FBN2: variants seen among roughly 807,000 people sequenced by gnomAD.
FBN2 encodes fibrillin 2.
Under a neutral mutation model 355.6 loss-of-function variants are expected in FBN2, and 105 were observed. That is an observed-to-expected ratio of 0.30 (90% CI 0.25 to 0.35). The LOEUF (loss-of-function observed/expected upper bound fraction) is 0.35. FBN2 is among the 10% of genes least tolerant of loss of function. The pLI is 1.00. For missense variants in FBN2, 3,280 were observed against 3,758.7 expected, an observed-to-expected ratio of 0.87 and a Z score of 3.33; for synonymous variants, 1,350 against 1,301.2, an observed-to-expected ratio of 1.04 and a Z score of -0.81.
chr5:128,426,259 A>G lies in FBN2; in HGVS notation c.953-17460T>C, dbSNP rs1423307769. 2.0e-5 allele frequency among the ~76,000 whole-genome samples: 3 copies of G among 152,204 alleles called. No individual in the cohort carries two copies. The East Asian group carries it at 5.8e-4, about 29-fold the overall frequency. On this transcript the variant is annotated intron_variant, in intron 7 of 64. Transcript: ENST00000262464. Reference sequence around the variant, plus strand: ...ACATTACACATCTGGACAATTCTCAAGTGCGCCCACACACTTCAGAGATCT... The same window carrying G: ...ACATTACACATCTGGACAATTCTCAGGTGCGCCCACACACTTCAGAGATCT...
chr5:128,408,862 G>T (rs1267932245), intron 7 of FBN2, 63 bp from the exon 8 acceptor site: 8 of 1,590,020 alleles, frequency 5.0e-6, no homozygotes, highest in African/African-American at 4.0e-5. Context: ...TTTTAAAAGA[G>T]ATTTTTTTTT....
At chr5:128,345,301 T>C in intron 24 of FBN2, 56 bp downstream of exon 24, 1 of 1,359,702 alleles carries the variant, frequency 7.4e-7, no homozygotes, top group Non-Finnish European at 1.1e-6. Context: ...TCTCAGAGAA[T>C]GTGGAAGGCT....
chr5:128,259,430 A>C lies in FBN2; in HGVS notation c.*25T>G. On this transcript the variant is annotated 3_prime_UTR_variant, in exon 65 of 65. Transcript: ENST00000262464. ...TGCAGACTGGCTGTGCTAGGATTTGAGCCTGGGCCCAAGTCTGTGAAGGGT... is the reference window on the plus strand; with the variant it reads ...TGCAGACTGGCTGTGCTAGGATTTGCGCCTGGGCCCAAGTCTGTGAAGGGT... 1 of 1,612,346 alleles carries C rather than the reference A, an allele frequency of 6.2e-7. No individual in the cohort carries two copies. The highest frequency in any genetic ancestry group is 8.5e-7 in the Non-Finnish European group (1 of 1,179,896).
chr5:128,283,399 C>T (rs1180062809), intron 55 of FBN2, among the ~76,000 whole-genome samples: 1 of 152,194 alleles, frequency 6.6e-6, no homozygotes. Context: ...CTGAAGAAGT[C>T]ACCAAATCTA....
At chr5:128,491,407 G>A (rs1052759832) in intron 5 of FBN2, among the ~76,000 whole-genome samples, 11 of 152,184 alleles carry the variant, frequency 7.2e-5, no homozygotes, top group African/African-American at 2.7e-4. Flanking sequence ...ACAAAGGCAG[G>A]TTACTGACAA....
chr5:128,377,675 T>C (rs1003547664), intron 13 of FBN2, 77 bp downstream of exon 13: 25 of 1,492,594 alleles, frequency 1.7e-5, no homozygotes, highest in Non-Finnish European at 2.1e-5. Context: ...TGAGCTTTCA[T>C]GGAAATAGTA....
At chr5:128,517,074 T>G (rs1756299594) in intron 5 of FBN2, among the ~76,000 whole-genome samples, 1 of 152,110 alleles carries the variant, frequency 6.6e-6, no homozygotes, top group Admixed American at 6.6e-5. Context: ...ATCTTACAAT[T>G]TTTTTTGGAA....
intron 5 of FBN2, among the ~76,000 whole-genome samples, chr5:128,475,657 A>T (rs892473635): frequency 6.6e-6 from 1 of 152,202 alleles, no homozygotes; most frequent in African/African-American, 2.4e-5. Flanking sequence ...TAATGATAAT[A>T]AAAAAGATAT....
At chr5:128,350,265 T>C (rs1416378193) in intron 21 of FBN2, among the ~76,000 whole-genome samples, 1 of 152,182 alleles carries the variant, frequency 6.6e-6, no homozygotes, top group Non-Finnish European at 1.5e-5. Flanking sequence ...GACAACTGAG[T>C]TAAAAGTAAA....
In FBN2 at chr5:128,364,711, C is replaced by T. The variant is rs771516994; in HGVS notation, c.2317G>A (p.Ala773Thr). 3.1e-6 allele frequency: 5 copies of T among 1,612,778 alleles called. No individual in the cohort carries two copies. The highest frequency in any genetic ancestry group is 4.2e-6 in the Non-Finnish European group (5 of 1,178,916). ...TTGGCACATATATCAGGATCCAAAG[C>T]ACATTCATTGATATCTGCATTAAAT... ...TVDGRDINEC[A>T]LDPDICANGI... Residue 773 changes from alanine to threonine, a missense_variant, in exon 18 of 65, where the codon GCT becomes ACT. By Grantham distance (58) the Ala-to-Thr change is moderately conservative (BLOSUM62 0). Around this residue, in one of 6 missense-constraint regions of FBN2, gnomAD observed 2,284 missense variants for 2,749.5 expected, o/e 0.83. Transcript: ENST00000262464.
intron 48 of FBN2, among the ~76,000 whole-genome samples, chr5:128,292,368 GTAC>G (rs1749350091): frequency 6.6e-6 from 1 of 151,946 alleles, no homozygotes; most frequent in Non-Finnish European, 1.5e-5. Flanking sequence ...TTTGTGGGAA[GTAC>G]TTATTTAATG....
rs3816905 is a variant in FBN2, at chr5:128,357,682, T to A, written c.2555-287A>T. 0.083 allele frequency among the ~76,000 whole-genome samples: 12,572 copies of A among 152,220 alleles called. 592 individuals are homozygous for A. Among genetic ancestry groups the A allele is most frequent in the Non-Finnish European group, 0.1 (6,905 of 67,994 alleles). On this transcript the variant is annotated intron_variant, in intron 19 of 64. Coordinates refer to ENST00000262464, the MANE Select transcript of FBN2 (RefSeq NM_001999.4). ...ATCACAACTTTACATAAATTGGATT[T>A]TTTTTTCCCACATAATAAGATGCAA...
rs1749840639 is a variant in FBN2 at position 128,305,419 on chromosome 5, A to AT, written c.5674+91dup. The AT allele has an allele frequency of 2.1e-6, 3 of 1,455,490 alleles. No individual in the cohort carries two copies. The South Asian group carries it at 3.5e-5, about 17-fold the overall frequency. The allele number at this position is 1,455,490 out of a possible 1,614,324, so 90.2% of individuals were successfully genotyped here. A position where few individuals can be genotyped will look rare whatever the true frequency, so the allele number is the denominator to read the frequency against. On this transcript the variant is annotated intron_variant, in intron 44 of 64. Transcript: ENST00000262464. ...ATAAATGAACAGGTTAAGTGAGAAAATCTTTCCCAAATTATTCTTGAAGTA... is the reference window on the plus strand; with the variant it reads ...ATAAATGAACAGGTTAAGTGAGAAAATTCTTTCCCAAATTATTCTTGAAGTA...
chr5:128,369,188 T>G lies in FBN2; in HGVS notation c.2242A>C (p.Asn748His). Residue 748 changes from asparagine to histidine, a missense_variant, in exon 16 of 65, where the codon AAT (asparagine) becomes CAT (histidine). Coordinates refer to ENST00000262464, the MANE Select transcript of FBN2 (RefSeq NM_001999.4). ...GEPCQPCPAK[N>H]SAEFHGLCSS... is the part of the protein sequence containing the mutation. ...AAATGGCACATGTGACTACCTGAAT[T>G]TTTTGCAGGGCATGGCTGGCAGGGT... 1 of 1,614,150 alleles carries G rather than the reference T, an allele frequency of 6.2e-7. No homozygotes were observed.
intron 5 of FBN2, 36 bp downstream of exon 5, chr5:128,519,237 C>G (rs1456427241): frequency 7.0e-7 from 1 of 1,419,360 alleles, no homozygotes; most frequent in African/African-American, 1.4e-5. Context: ...ATAAAATAGA[C>G]TTCTTCAGAA....
rs954619149 is a variant in FBN2 at position 128,259,544 on chromosome 5, T to C, written c.8650A>G (p.Lys2884Glu). The C allele has an allele frequency of 6.2e-7, 1 of 1,613,962 alleles. No individual in the cohort carries two copies. Among genetic ancestry groups the C allele is most frequent in the Non-Finnish European group, 8.5e-7 (1 of 1,180,014 alleles). ...SIPLYKKKEL[K>E]KLEESNEDDY... Reference sequence around the variant, plus strand: ...TCCTCATTGCTCTCTTCCAGTTTCTTAAGCTCCTTCTTCTTGTAGAGAGGG... The same window carrying C: ...TCCTCATTGCTCTCTTCCAGTTTCTCAAGCTCCTTCTTCTTGTAGAGAGGG... The change falls in exon 65 of 65, where the codon AAG becomes GAG. Residue 2884 changes from lysine to glutamate, a missense_variant. By Grantham distance (56) the Lys-to-Glu change is moderately conservative. Transcript: ENST00000262464.
At position 128,272,058 on chromosome 5, in the gene FBN2, C is replaced by T. The variant is rs756511141; in HGVS notation, c.7901G>A (p.Gly2634Asp). 7.4e-6 allele frequency: 12 copies of T among 1,613,980 alleles called. No individual in the cohort carries two copies. The highest frequency in any genetic ancestry group is 1.0e-5 in the Non-Finnish European group (12 of 1,179,924). ...CQHGCQNILG[G>D]YRCGCPQGYI... ...GCCTTGGGGGCAGCCACATCTGTAG[C>T]CACCCAGGATGTTCTGGCAGCCGTG... The change falls in exon 62 of 65, where the codon GGC (glycine) becomes GAC (aspartate). Residue 2634 changes from glycine to aspartate, a missense_variant. By Grantham distance (94) the Gly-to-Asp change is moderately conservative. Around this residue, in one of 6 missense-constraint regions of FBN2, gnomAD observed 2,284 missense variants for 2,749.5 expected, o/e 0.83. Transcript: ENST00000262464.
Position 128,357,270 on chromosome 5 carries a change from T to C in FBN2, c.2674+6A>G, listed in dbSNP as rs1381952326. ...TTGAAGCATCAGTATTGTGTATGAATCTTACCAATACAGATCAATCCTGTG... is the reference window on the plus strand; with the variant it reads ...TTGAAGCATCAGTATTGTGTATGAACCTTACCAATACAGATCAATCCTGTG... On this transcript the variant is annotated splice_donor_region_variant and intron_variant, in intron 20 of 64. Transcript: ENST00000262464. The C allele has an allele frequency of 6.2e-7, 1 of 1,613,844 alleles. No homozygotes were observed. The highest frequency in any genetic ancestry group is 8.5e-7 in the Non-Finnish European group (1 of 1,179,734).
At chr5:128,402,418 C>T (rs2126991761) in intron 8 of FBN2, among the ~76,000 whole-genome samples, 1 of 152,092 alleles carries the variant, frequency 6.6e-6, no homozygotes, top group Admixed American at 6.5e-5. Flanking sequence ...GTCATATTTA[C>T]AGTCACACCG....
Sources: allele counts gnomAD v4.1 joint callset (sites outside exome capture counted in the v4.1 genomes callset), GRCh38; gene constraint gnomAD v4.1.1; regional missense constraint gnomAD v4.1.1; transcripts MANE v1.5; gene names NCBI Gene and HGNC (gene_info 2026-07-23, HGNC 2026-07-21).